MARK4: variants seen among roughly 807,000 people sequenced by gnomAD.
The protein encoded by MARK4 is MAP/microtubule affinity-regulating kinase 4.
A neutral mutation model predicts 81.5 loss-of-function variants in MARK4; 19 were observed. The observed-to-expected ratio is 0.23, with a 90% confidence interval of 0.16 to 0.34. The LOEUF (loss-of-function observed/expected upper bound fraction) is 0.34, where lower values mean the gene tolerates loss of function less well. MARK4 is among the 10% of genes least tolerant of loss of function. The probability of loss-of-function intolerance (pLI) is 1.00; values close to 1 mark genes in which losing one functional copy is unlikely to be tolerated. For synonymous variants in MARK4, 436 were observed against 439.0 expected (o/e 0.99, Z 0.08); for missense variants, 772 against 1,058.8 (o/e 0.73, Z 3.76).
intron 1 of MARK4, among the ~76,000 whole-genome samples, chr19:45,251,981 G>A (rs529912727): frequency 1.3e-5 from 2 of 150,518 alleles, no homozygotes; most frequent in African/African-American, 2.4e-5. Flanking sequence ...GGCCGTCCGC[G>A]TCCGACACCT....
At chr19:45,287,693 TG>T (rs1257399838) in intron 13 of MARK4, 29 bp downstream of exon 13, 2 of 1,592,868 alleles carry the variant, frequency 1.3e-6, no homozygotes, top group South Asian at 2.3e-5. Context: ...GGGGCAGGGC[TG>T]GGGGCGCCAC....
chr19:45,272,114 T>C (rs1033795733), intron 8 of MARK4, among the ~76,000 whole-genome samples: 4 of 152,126 alleles, frequency 2.6e-5, no homozygotes, highest in African/African-American at 7.2e-5. Flanking sequence ...GGAGGCTCAC[T>C]TGAGCCTGGG....
intron 12 of MARK4, among the ~76,000 whole-genome samples, chr19:45,284,325 CT>C (rs766141024): frequency 3.2e-3 from 455 of 140,254 alleles, no homozygotes; most frequent in Middle Eastern, 7.2e-3. Context: ...GATTTCTTTT[CT>C]TTTTTTTTTT....
At chr19:45,251,829 C>G (rs1382822063) in intron 1 of MARK4, among the ~76,000 whole-genome samples, 190 bp downstream of exon 1, 2 of 151,750 alleles carry the variant, frequency 1.3e-5, no homozygotes, top group African/African-American at 4.8e-5. Flanking sequence ...AGCCCGACCC[C>G]TGGGGGCGCC....
rs968227279 is a variant in MARK4, at chr19:45,271,542, C to T, written c.620C>T (p.Thr207Met). 3.1e-6 allele frequency: 5 copies of T among 1,614,236 alleles called. No homozygotes were observed. The highest frequency in any genetic ancestry group is 3.3e-5 in the Admixed American group (2 of 60,020). ...GACTTTGGCTTCAGCAACGAGTTCA[C>T]GCTGGGATCGAAGCTGGACACGTTC... ...IADFGFSNEF[T>M]LGSKLDTFCG... Residue 207 changes from threonine (T) to methionine (M), a missense_variant, in exon 8 of 17, where the codon ACG becomes ATG. By Grantham distance (81) the Thr-to-Met change is moderately conservative. This residue lies in a region of MARK4 where 109 missense variants were observed against 294.7 expected (regional missense o/e 0.37). Coordinates refer to ENST00000262891, the MANE Select transcript of MARK4 (RefSeq NM_001199867.2). The surrounding 1 kb of genome is among the most constrained non-coding windows in gnomAD (Gnocchi z 4.1).
rs1599785913 is a variant in MARK4, at chr19:45,271,179, T to C, written c.550-293T>C. Among the ~76,000 whole-genome samples, 2 of 152,348 alleles carry C rather than the reference T, an allele frequency of 1.3e-5. No individual in the cohort carries two copies. Among genetic ancestry groups the C allele is most frequent in the South Asian group, 4.1e-4 (2 of 4,828 alleles). ...CCTTGGCCTCCCAAAGTGCTGGTAT[T>C]ATAGGCGTGAGCCACTATGTCTGGC... On this transcript the variant is annotated intron_variant, in intron 7 of 16. Coordinates refer to ENST00000262891, the MANE Select transcript of MARK4 (RefSeq NM_001199867.2). This position sits in a 1 kb window ranked among gnomAD's most constrained non-coding sequence, Gnocchi z 4.1.
chr19:45,280,597 C>T lies in MARK4; in HGVS notation c.1139C>T (p.Pro380Leu), dbSNP rs1166918249. ...CAGGAGGGTGGGGACCGGGGCGCCCCAGGGCTGGCCCTGGCACGGGTGCGG... is the reference window on the plus strand; with the variant it reads ...CAGGAGGGTGGGGACCGGGGCGCCCTAGGGCTGGCCCTGGCACGGGTGCGG... The part of the protein sequence containing the change: ...KTEEGGDRGA[P>L]GLALARVRAP... Residue 380 changes from proline to leucine, a missense_variant, in exon 12 of 17, where the codon CCA becomes CTA. Physicochemically the swap from Pro to Leu is moderately conservative, Grantham distance 98. Coordinates refer to ENST00000262891, the MANE Select transcript of MARK4 (RefSeq NM_001199867.2). The T allele has an allele frequency of 6.2e-7, 1 of 1,613,882 alleles. No homozygotes were observed.
chr19:45,253,189 CCACA>C (rs111314321), intron 1 of MARK4, among the ~76,000 whole-genome samples: 5 of 139,966 alleles, frequency 3.6e-5, no homozygotes, highest in African/African-American at 1.3e-4. Flanking sequence ...ACAGACCCCC[CCACA>C]CACACACACC....
intron 14 of MARK4, among the ~76,000 whole-genome samples, chr19:45,296,785 C>T (rs1399275159): frequency 6.6e-6 from 1 of 152,192 alleles, no homozygotes; most frequent in Non-Finnish European, 1.5e-5. Flanking sequence ...CGCAGTGGCT[C>T]ACACCTGGAA....
In MARK4 at chr19:45,280,749, C is replaced by G; in HGVS notation, c.1276+15C>G. On this transcript the variant is annotated intron_variant, in intron 12 of 16. Transcript: ENST00000262891. ...TAGCGATTTCTGTGAGTATCAACCC[C>G]ACGCCCTCACGCACCCTCCTTCTCC... is the stretch of plus-strand genomic sequence containing the variant. 1 of 1,613,292 alleles carries G rather than the reference C, an allele frequency of 6.2e-7. No individual in the cohort carries two copies. Among genetic ancestry groups the G allele is most frequent in the African/African-American group, 1.3e-5 (1 of 75,038 alleles).
intron 7 of MARK4, among the ~76,000 whole-genome samples, chr19:45,268,905 G>A (rs549054536): frequency 6.6e-6 from 1 of 152,274 alleles, no homozygotes; most frequent in East Asian, 1.9e-4. Context: ...CGGCCCTGGA[G>A]GCAGCACCTT....
At chr19:45,288,193 A>C (rs974801974) in intron 13 of MARK4, 1 of 155,856 alleles carries the variant, frequency 6.4e-6, no homozygotes, top group African/African-American at 2.4e-5. Flanking sequence ...CCGCCACTGC[A>C]CTCCATTCTG....
At chr19:45,259,269 T>C in intron 2 of MARK4, 80 bp downstream of exon 2, 1 of 1,508,702 alleles carries the variant, frequency 6.6e-7, no homozygotes, top group Non-Finnish European at 9.0e-7. Context: ...GAGGTCAGGA[T>C]TGGCCCTGGG....
At chr19:45,284,647 T>G (rs114976462) in intron 12 of MARK4, among the ~76,000 whole-genome samples, 3,302 of 151,828 alleles carry the variant, frequency 0.022, 105 homozygotes, top group African/African-American at 0.076. Flanking sequence ...ATTTCTTACA[T>G]CTCAGTTTTA....
rs1970995767 is a variant in MARK4 at position 45,302,789 on chromosome 19, G to A, written c.*79G>A. On this transcript the variant is annotated 3_prime_UTR_variant, in exon 17 of 17. Coordinates refer to ENST00000262891, the MANE Select transcript of MARK4 (RefSeq NM_001199867.2). The surrounding 1 kb of genome is among the most constrained non-coding windows in gnomAD (Gnocchi z 4.9). ...TACAGGAGGGGAAGGGGCCAGGGAGGGGATTCTCCCTTTATCATCACCTCA... is the reference window on the plus strand; with the variant it reads ...TACAGGAGGGGAAGGGGCCAGGGAGAGGATTCTCCCTTTATCATCACCTCA... The A allele has an allele frequency of 6.0e-6, 9 of 1,501,586 alleles. No individual in the cohort carries two copies. The South Asian group carries it at 8.7e-5, about 15-fold the overall frequency. The allele number at this position is 1,501,586 out of a possible 1,614,324, so 93.0% of individuals were successfully genotyped here.
intron 13 of MARK4, among the ~76,000 whole-genome samples, chr19:45,288,840 A>C (rs1599798615): frequency 1.0e-5 from 1 of 100,458 alleles, no homozygotes. Context: ...ACAGAGCAAG[A>C]CTCTGTCTCA....
At chr19:45,279,307 A>G (rs1970642004) in intron 10 of MARK4, among the ~76,000 whole-genome samples, 1 of 152,188 alleles carries the variant, frequency 6.6e-6, no homozygotes, top group African/African-American at 2.4e-5. Context: ...ACCTGAGGTC[A>G]GGAGTTCGAG....
At chr19:45,273,153 GA>G (rs1380373278) in intron 8 of MARK4, among the ~76,000 whole-genome samples, 8 of 150,256 alleles carry the variant, frequency 5.3e-5, no homozygotes, top group Admixed American at 1.3e-4. Context: ...TTCCCCCTTT[GA>G]ACTTTTTATT....
intron 4 of MARK4, 56 bp from the exon 5 acceptor site, chr19:45,264,628 C>T: frequency 6.5e-7 from 1 of 1,535,762 alleles, no homozygotes. Flanking sequence ...TTACTGAGGA[C>T]AGGTTAGGAG....
Sources: gnomAD v4.1 joint callset for allele counts (sites outside exome capture counted in the v4.1 genomes callset) on GRCh38, gnomAD v4.1.1 for gene constraint, gnomAD v4.1.1 regional missense constraint, Gnocchi (gnomAD v3.1) non-coding constraint, MANE v1.5 for transcripts, NCBI Gene and HGNC (gene_info 2026-07-23, HGNC 2026-07-21) for gene names.